The following CERS6 variants were observed in gnomAD, a reference collection of about 807,000 sequenced individuals.
The protein encoded by CERS6 is ceramide synthase 6, also known as LAG1 homolog, ceramide synthase 6.
Under a neutral mutation model 56.8 loss-of-function variants are expected in CERS6, and 26 were observed. The ratio of observed to expected loss-of-function variants is 0.46; its 90% CI spans 0.34 to 0.63. CERS6 has a LOEUF of 0.63. Ranked by LOEUF, CERS6 falls within the 30% of genes least tolerant of loss-of-function variation. The pLI, the probability that CERS6 is intolerant of heterozygous loss-of-function variation, is 0.01. For synonymous variants in CERS6, 164 were observed against 173.3 expected (o/e 0.95, Z 0.42); for missense variants, 415 against 467.5 (o/e 0.89, Z 1.04).
chr2:168,755,415 A>G (rs1286827010), intron 8 of CERS6, among the ~76,000 whole-genome samples: 5 of 152,100 alleles, frequency 3.3e-5, no homozygotes, highest in Non-Finnish European at 7.4e-5. Context: ...TTAAATCTCC[A>G]TGTGTGTGAC....
chr2:168,491,078 G>A (rs1267227820), intron 1 of CERS6, among the ~76,000 whole-genome samples: 5 of 152,208 alleles, frequency 3.3e-5, no homozygotes, highest in African/African-American at 1.2e-4. Context: ...AAAGAGGTGA[G>A]GGAAGAGCCT....
intron 1 of CERS6, among the ~76,000 whole-genome samples, chr2:168,519,065 G>T (rs143926197): frequency 6.6e-6 from 1 of 152,284 alleles, no homozygotes; most frequent in Non-Finnish European, 1.5e-5. Flanking sequence ...AGGAGATTGT[G>T]TTGTGGAGCA....
chr2:168,694,832 G>A lies in CERS6; in HGVS notation c.517-127G>A, dbSNP rs1000350788. The A allele has an allele frequency of 4.3e-6, 3 of 690,716 alleles. No individual in the cohort carries two copies. In the Admixed American group the frequency reaches 7.1e-5, roughly 16 times the overall value. The allele number at this position is 690,716 out of a possible 1,614,324, so 42.8% of individuals were successfully genotyped here. A position where few individuals can be genotyped will look rare whatever the true frequency, so the allele number is the denominator to read the frequency against. ...AGCCCCATCATCTACAAAAAGAATA[G>A]GACAGGAACTGCCTTTGTGCAGGTG... On this transcript the variant is annotated intron_variant, in intron 5 of 9. Transcript: ENST00000305747.
At chr2:168,599,521 G>GAGT (rs1266065039) in intron 3 of CERS6, among the ~76,000 whole-genome samples, 1 of 152,160 alleles carries the variant, frequency 6.6e-6, no homozygotes, top group African/African-American at 2.4e-5. Flanking sequence ...ATCCAACTGT[G>GAGT]AGTGCTAGGG....
intron 2 of CERS6, among the ~76,000 whole-genome samples, chr2:168,551,711 C>T (rs6758402): frequency 0.92 from 140,588 of 152,268 alleles, 65,424 homozygotes; most frequent in Non-Finnish European, 0.99. Context: ...TAGAGTGTTA[C>T]GTCATGTTTC....
intron 1 of CERS6, among the ~76,000 whole-genome samples, chr2:168,505,712 G>C (rs1365227963): frequency 6.6e-6 from 1 of 152,182 alleles, no homozygotes; most frequent in African/African-American, 2.4e-5. Flanking sequence ...TAATTTGTTA[G>C]AGGGAAAATT....
chr2:168,543,957 A>C (rs936790922), intron 1 of CERS6, among the ~76,000 whole-genome samples: 11 of 152,170 alleles, frequency 7.2e-5, no homozygotes, highest in Non-Finnish European at 1.6e-4. Flanking sequence ...TTAAAATGCA[A>C]AGCCCCTTTG....
chr2:168,723,350 C>A (rs1473569131), intron 8 of CERS6, among the ~76,000 whole-genome samples: 1 of 152,150 alleles, frequency 6.6e-6, no homozygotes, highest in African/African-American at 2.4e-5. Context: ...GCCTTTTTCT[C>A]CTAGTTCTGA....
Position 168,695,065 on chromosome 2 carries a change from T to A in CERS6, c.609+14T>A. 6.3e-7 allele frequency: 1 copy of A among 1,598,050 alleles called. No homozygotes were observed. Among genetic ancestry groups the A allele is most frequent in the Non-Finnish European group, 8.6e-7 (1 of 1,165,620 alleles). On this transcript the variant is annotated intron_variant, in intron 6 of 9. Coordinates refer to ENST00000305747, the MANE Select transcript of CERS6 (RefSeq NM_203463.3). ...ATCAAAAGAAAGGTAAGAGCGGTTA[T>A]GTCGTAAAGTGCTTGCAAGCATGCA...
intron 5 of CERS6, among the ~76,000 whole-genome samples, chr2:168,692,331 A>G (rs1390414068): frequency 6.6e-6 from 1 of 152,314 alleles, no homozygotes; most frequent in East Asian, 1.9e-4. Context: ...AAATCCGTGT[A>G]TGTCTACATT....
chr2:168,705,783 C>A (rs903854676), intron 6 of CERS6, among the ~76,000 whole-genome samples: 1 of 151,902 alleles, frequency 6.6e-6, no homozygotes, highest in African/African-American at 2.4e-5. Context: ...GTTTTCAGCC[C>A]GAATGGGTTT....
At chr2:168,637,884 T>C (rs1684899460) in intron 4 of CERS6, among the ~76,000 whole-genome samples, 3 of 152,168 alleles carry the variant, frequency 2.0e-5, no homozygotes, top group Non-Finnish European at 4.4e-5. Context: ...TTTAATACTT[T>C]ATTTTCTATT....
At chr2:168,529,088 A>C (rs371803001) in intron 1 of CERS6, among the ~76,000 whole-genome samples, 2 of 152,232 alleles carry the variant, frequency 1.3e-5, no homozygotes, top group East Asian at 3.8e-4. Flanking sequence ...TTGTGCCAGG[A>C]GCATGTGCTG....
At chr2:168,693,992 T>A (rs912774378) in intron 5 of CERS6, among the ~76,000 whole-genome samples, 1 of 152,200 alleles carries the variant, frequency 6.6e-6, no homozygotes, top group Non-Finnish European at 1.5e-5. Flanking sequence ...TCATTCATTA[T>A]GCTGCTATTG....
chr2:168,737,950 T>C (rs954897005), intron 8 of CERS6, among the ~76,000 whole-genome samples: 2 of 152,238 alleles, frequency 1.3e-5, no homozygotes, highest in African/African-American at 4.8e-5. Context: ...GTTTGAAATA[T>C]GTATAGATGA....
chr2:168,766,201 G>C (rs947292231), intron 9 of CERS6: 1 of 847,370 alleles, frequency 1.2e-6, no homozygotes, highest in Non-Finnish European at 2.0e-6. Flanking sequence ...ACTTGAGGTT[G>C]ATTCGAATAA....
At chr2:168,506,836 C>G (rs574929421) in intron 1 of CERS6, among the ~76,000 whole-genome samples, 1 of 152,234 alleles carries the variant, frequency 6.6e-6, no homozygotes, top group South Asian at 2.1e-4. Context: ...AAAATTTGGC[C>G]AGTTTTCATA....
rs140727430 is a variant in CERS6, at chr2:168,632,162, A to T, written c.465+1120A>T. On this transcript the variant is annotated intron_variant, in intron 4 of 9. Coordinates refer to ENST00000305747, the MANE Select transcript of CERS6 (RefSeq NM_203463.3). ...ACCCTGTGAAGGCCTATCTTCTCAT[A>T]GTCGTACACATATTAACAATAGTGA... 9.7e-4 allele frequency among the ~76,000 whole-genome samples: 148 copies of T among 152,002 alleles called. 1 individual carries two copies. Among genetic ancestry groups the T allele is most frequent in the African/African-American group, 3.4e-3 (143 of 41,472 alleles).
chr2:168,699,595 C>T (rs1686754191), intron 6 of CERS6, among the ~76,000 whole-genome samples: 1 of 151,932 alleles, frequency 6.6e-6, no homozygotes, highest in South Asian at 2.1e-4. Flanking sequence ...TTTTTTGGCA[C>T]CTTTTTTTTA....
Sources: allele counts gnomAD v4.1 joint callset (sites outside exome capture counted in the v4.1 genomes callset), GRCh38; gene constraint gnomAD v4.1.1; transcripts MANE v1.5; gene names NCBI Gene and HGNC (gene_info 2026-07-23, HGNC 2026-07-21).